Variants in EBF1 observed in about 807,000 individuals in gnomAD.
The protein encoded by EBF1 is EBF transcription factor 1.
In EBF1, 10 loss-of-function variants were observed where a neutral mutation model predicts 68.4. That is an observed-to-expected ratio of 0.15 (90% confidence interval 0.09 to 0.25). The LOEUF (loss-of-function observed/expected upper bound fraction) is 0.25, where lower values mean the gene tolerates loss of function less well. EBF1 is among the 10% of genes least tolerant of loss of function. The pLI is 1.00. For missense variants in EBF1, 509 were observed against 794.4 expected (o/e 0.64, Z 4.32); for synonymous variants, 298 against 299.8 (o/e 0.99, Z 0.06).
intron 10 of EBF1, among the ~76,000 whole-genome samples, chr5:158,740,983 G>C (rs1363541003): frequency 2.0e-5 from 3 of 152,168 alleles, no homozygotes; most frequent in African/African-American, 7.2e-5. Context: ...TAACTACTTA[G>C]ATGCGAACAG....
chr5:158,980,330 C>A (rs142185686), intron 6 of EBF1, among the ~76,000 whole-genome samples: 1 of 152,188 alleles, frequency 6.6e-6, no homozygotes, highest in African/African-American at 2.4e-5. Context: ...CCAAACACTT[C>A]CCGATTTCTT....
chr5:159,023,931 T>C (rs1490457086), intron 6 of EBF1, among the ~76,000 whole-genome samples: 1 of 152,212 alleles, frequency 6.6e-6, no homozygotes, highest in Non-Finnish European at 1.5e-5. Flanking sequence ...TCACATGTTC[T>C]CTTTAACAAC....
At chr5:158,966,239 A>G (rs1754075998) in intron 6 of EBF1, among the ~76,000 whole-genome samples, 1 of 152,164 alleles carries the variant, frequency 6.6e-6, no homozygotes, top group African/African-American at 2.4e-5. Context: ...CCCTTCTAAG[A>G]AAGAGTATAG....
At chr5:158,948,614 G>A (rs1437141584) in intron 6 of EBF1, among the ~76,000 whole-genome samples, 1 of 152,134 alleles carries the variant, frequency 6.6e-6, no homozygotes, top group Non-Finnish European at 1.5e-5. Context: ...TCTGGACGTG[G>A]ACACCACTGA....
At chr5:159,032,652 CTA>C (rs1322098389) in intron 6 of EBF1, among the ~76,000 whole-genome samples, 1 of 152,192 alleles carries the variant, frequency 6.6e-6, no homozygotes, top group African/African-American at 2.4e-5. Context: ...GTCTGTCTCC[CTA>C]TCTCTCCGAA....
chr5:158,723,834 T>G (rs1342732039), intron 11 of EBF1, among the ~76,000 whole-genome samples: 1 of 152,066 alleles, frequency 6.6e-6, no homozygotes, highest in Non-Finnish European at 1.5e-5. Flanking sequence ...AATTACAACT[T>G]TCATGGGGGT....
At chr5:158,833,273 T>G (rs1787998148) in intron 7 of EBF1, among the ~76,000 whole-genome samples, 1 of 144,300 alleles carries the variant, frequency 6.9e-6, no homozygotes, top group Non-Finnish European at 1.5e-5. Context: ...CACTCCAGCC[T>G]GGCAACAGAG....
At chr5:158,981,222 G>A (rs979459922) in intron 6 of EBF1, among the ~76,000 whole-genome samples, 2 of 151,530 alleles carry the variant, frequency 1.3e-5, no homozygotes, top group Admixed American at 1.3e-4. Flanking sequence ...AGAAACAAGG[G>A]AAAATGTTTT....
chr5:158,933,672 C>T (rs930044015), intron 6 of EBF1, among the ~76,000 whole-genome samples: 8 of 152,222 alleles, frequency 5.3e-5, no homozygotes, highest in African/African-American at 1.9e-4. Context: ...AGGCAAGTGA[C>T]TTAACCTCTC....
At chr5:158,752,592 T>G (rs1385653903) in intron 10 of EBF1, among the ~76,000 whole-genome samples, 1 of 152,116 alleles carries the variant, frequency 6.6e-6, no homozygotes, top group Non-Finnish European at 1.5e-5. Flanking sequence ...ATTTTTACTG[T>G]AATACATTTC....
At chr5:158,927,017 C>G (rs1436552303) in intron 6 of EBF1, among the ~76,000 whole-genome samples, 1 of 152,220 alleles carries the variant, frequency 6.6e-6, no homozygotes. Flanking sequence ...ACCCTACCTG[C>G]CTTCACCCAT....
chr5:159,072,727 G>C (rs897482242), intron 6 of EBF1, among the ~76,000 whole-genome samples: 6 of 152,166 alleles, frequency 3.9e-5, no homozygotes, highest in African/African-American at 1.4e-4. Flanking sequence ...CATAATGCGT[G>C]CACACTGACT....
At chr5:159,085,536 C>T (rs1780469433) in intron 4 of EBF1, among the ~76,000 whole-genome samples, 1 of 152,158 alleles carries the variant, frequency 6.6e-6, no homozygotes, top group Non-Finnish European at 1.5e-5. Context: ...CCTCAGCTTT[C>T]ATGGATCTAC....
chr5:158,930,431 C>G (rs1457572540), intron 6 of EBF1, among the ~76,000 whole-genome samples: 1 of 152,136 alleles, frequency 6.6e-6, no homozygotes, highest in Non-Finnish European at 1.5e-5. Context: ...GGCCATCATG[C>G]GGCAGGTTCT....
In EBF1 at chr5:158,872,996, A is replaced by ATTTTTTT. The variant is rs539493620; in HGVS notation, c.555-32893_555-32887dup. On this transcript the variant is annotated intron_variant, in intron 6 of 15. Coordinates refer to ENST00000313708, the MANE Select transcript of EBF1 (RefSeq NM_024007.5). ...GGCTCTTCAGTCAAGAATGACACTA[A>ATTTTTTT]TTTTTTTTTTTTTTTTTTTTTTTTT... Among the ~76,000 whole-genome samples, 560 of 81,120 alleles carry ATTTTTTT rather than the reference A, an allele frequency of 6.9e-3. 36 individuals are homozygous for ATTTTTTT. The highest frequency in any genetic ancestry group is 0.013 in the African/African-American group (253 of 20,130). 53.2% of individuals were successfully genotyped at this position (81,120 alleles called of 152,430 possible).
At chr5:158,945,106 T>C (rs896144396) in intron 6 of EBF1, among the ~76,000 whole-genome samples, 7 of 152,270 alleles carry the variant, frequency 4.6e-5, no homozygotes, top group African/African-American at 1.7e-4. Flanking sequence ...TTGGCTTTTG[T>C]TGCAATTGCC....
At chr5:159,079,203 G>A (rs1398930802) in intron 5 of EBF1, among the ~76,000 whole-genome samples, 1 of 152,102 alleles carries the variant, frequency 6.6e-6, no homozygotes, top group African/African-American at 2.4e-5. Context: ...ACTAACTCAA[G>A]TACCTGAGCT....
At chr5:158,853,682 G>C (rs1258116998) in intron 6 of EBF1, among the ~76,000 whole-genome samples, 1 of 152,128 alleles carries the variant, frequency 6.6e-6, no homozygotes, top group Non-Finnish European at 1.5e-5. Flanking sequence ...AAATGTAAGA[G>C]AGAGAATATT....
At chr5:158,874,891 T>C (rs776350293) in intron 6 of EBF1, among the ~76,000 whole-genome samples, 1 of 152,168 alleles carries the variant, frequency 6.6e-6, no homozygotes, top group Non-Finnish European at 1.5e-5. Context: ...TTATCTTCTC[T>C]ATCAGTAAAT....
Sources: allele counts gnomAD v4.1 joint callset (sites outside exome capture counted in the v4.1 genomes callset), GRCh38; gene constraint gnomAD v4.1.1; transcripts MANE v1.5; gene names NCBI Gene and HGNC (gene_info 2026-07-23, HGNC 2026-07-21).